The following SERPIND1 variants were observed in gnomAD, a reference collection of about 807,000 sequenced individuals.
SERPIND1 encodes serpin family D member 1, also known as heparin cofactor 2.
SERPIND1 carries 34 observed loss-of-function variants against 35.0 expected under a neutral mutation model. The observed-to-expected ratio is 0.97, with a 90% CI of 0.74 to 1.29. SERPIND1 has a LOEUF of 1.29. Among genes scored for constraint, SERPIND1 ranks in the 50% most tolerant of loss-of-function variants. The pLI, the probability that SERPIND1 is intolerant of heterozygous loss-of-function variation, is 0.00. For synonymous variants in SERPIND1, 236 were observed against 241.1 expected (o/e 0.98, Z 0.19); for missense variants, 633 against 637.7 (o/e 0.99, Z 0.08).
rs1256548311 is a variant in SERPIND1 at position 20,786,092 on chromosome 22, T to C, written c.1252T>C (p.Phe418Leu). The change falls in exon 4 of 5, where the codon TTT becomes CTT. Residue 418 changes from phenylalanine (F) to leucine (L), a missense_variant. Coordinates refer to ENST00000215727, the MANE Select transcript of SERPIND1 (RefSeq NM_000185.4). ...SLKLMGIRML[F>L]DKNGNMAGIS... ...GAAGTTGATGGGGATCAGGATGCTGTTTGACAAAAATGGCAACATGGCAGG... is the reference window on the plus strand; with the variant it reads ...GAAGTTGATGGGGATCAGGATGCTGCTTGACAAAAATGGCAACATGGCAGG... The C allele has an allele frequency of 6.2e-7, 1 of 1,614,080 alleles. No individual in the cohort carries two copies.
intron 2 of SERPIND1, among the ~76,000 whole-genome samples, chr22:20,783,051 T>C (rs1430927914): frequency 6.6e-6 from 1 of 152,188 alleles, no homozygotes; most frequent in African/African-American, 2.4e-5. Flanking sequence ...ACAACTTGCA[T>C]GTTGCTAGGA....
Position 20,787,501 on chromosome 22 carries a change from A to G in SERPIND1, c.*435A>G, listed in dbSNP as rs1193709243. ...TCCTTACCTCTCCCAAGGAGGGTAC[A>G]CAACTAGCACCATTCTTGATGTCCA... On this transcript the variant is annotated 3_prime_UTR_variant, in exon 5 of 5. Transcript: ENST00000215727. 1.5e-5 allele frequency: 4 copies of G among 270,062 alleles called. No homozygotes were observed. The highest frequency in any genetic ancestry group is 2.9e-5 in the Non-Finnish European group (4 of 138,460). The allele number at this position is 270,062 out of a possible 1,614,324, so 16.7% of individuals were successfully genotyped here.
chr22:20,779,459 C>T lies in SERPIND1; in HGVS notation c.147C>T (p.Asn49=). Residue 49 remains asparagine (N), a synonymous_variant, in exon 2 of 5, where the codon AAC becomes AAT. Transcript: ENST00000215727. ...DPQWEQLNNK[N]LSMPLLPADF... Reference sequence around the variant, plus strand: ...AGTGGGAGCAGTTAAATAACAAAAACCTGAGCATGCCTCTTCTCCCTGCCG... The same window carrying T: ...AGTGGGAGCAGTTAAATAACAAAAATCTGAGCATGCCTCTTCTCCCTGCCG... 1 of 1,614,158 alleles carries T rather than the reference C, an allele frequency of 6.2e-7. No homozygotes were observed. The highest frequency in any genetic ancestry group is 8.5e-7 in the Non-Finnish European group (1 of 1,180,004).
At chr22:20,780,775 C>CAAAAAAAAAAA (rs538327544) in intron 2 of SERPIND1, among the ~76,000 whole-genome samples, 19 of 67,686 alleles carry the variant, frequency 2.8e-4, no homozygotes, top group Middle Eastern at 9.6e-3. Flanking sequence ...GACTCCATCT[C>CAAAAAAAAAAA]AAAAAAAAAA....
chr22:20,774,974 A>G (rs970556001), intron 1 of SERPIND1, among the ~76,000 whole-genome samples: 3 of 152,168 alleles, frequency 2.0e-5, no homozygotes, highest in East Asian at 3.8e-4. Context: ...GTTCTACTAC[A>G]CTATTCTTTC....
Position 20,782,059 on chromosome 22 carries a change from A to T in SERPIND1, c.889+1858A>T, listed in dbSNP as rs546017949. Among the ~76,000 whole-genome samples the T allele has an allele frequency of 2.0e-5, 3 of 152,342 alleles. No individual in the cohort carries two copies. In the East Asian group the frequency reaches 5.8e-4, roughly 29 times the overall value. On this transcript the variant is annotated intron_variant, in intron 2 of 4. Transcript: ENST00000215727. ...TGTTAGTGACATTTATTTTACTTCT[A>T]CTAGCAAATAACCTATGTTTAGGAC... is the stretch of plus-strand genomic sequence containing the variant.
intron 3 of SERPIND1, among the ~76,000 whole-genome samples, chr22:20,784,601 G>A (rs1189969569): frequency 6.6e-6 from 1 of 152,090 alleles, no homozygotes; most frequent in African/African-American, 2.4e-5. Flanking sequence ...CAGAATCAGC[G>A]ATGCTGAGCG....
rs1476683742 is a variant in SERPIND1 at position 20,786,918 on chromosome 22, A to T, written c.1352A>T (p.Gln451Leu). 6.2e-7 allele frequency: 1 copy of T among 1,614,064 alleles called. No individual in the cohort carries two copies. The highest frequency in any genetic ancestry group is 8.5e-7 in the Non-Finnish European group (1 of 1,180,030). Residue 451 changes from glutamine (Q) to leucine (L), a missense_variant, in exon 5 of 5, where the codon CAA (glutamine) becomes CTA (leucine). Transcript: ENST00000215727. Reference protein sequence around the residue: ...GTITVNEEGTQATTVTTVGFM... With the variant: ...GTITVNEEGTLATTVTTVGFM... ...ATCACAGTGAACGAGGAAGGCACCC[A>T]AGCCACCACTGTGACCACGGTGGGG...
chr22:20,774,885 C>T (rs1933140924), intron 1 of SERPIND1, among the ~76,000 whole-genome samples: 1 of 151,438 alleles, frequency 6.6e-6, no homozygotes, highest in Non-Finnish European at 1.5e-5. Flanking sequence ...CACGTACGTA[C>T]ACACACACAC....
chr22:20,778,359 C>T (rs565939289), intron 1 of SERPIND1, among the ~76,000 whole-genome samples: 1 of 152,138 alleles, frequency 6.6e-6, no homozygotes, highest in South Asian at 2.1e-4. Flanking sequence ...CAAAAATTAA[C>T]CAGGCGTAGT....
At chr22:20,783,827 C>A in intron 2 of SERPIND1, 145 bp from the exon 3 acceptor site, 4 of 1,073,044 alleles carry the variant, frequency 3.7e-6, no homozygotes, top group Non-Finnish European at 5.6e-6. Flanking sequence ...CTGCCCAAAT[C>A]AGGCCTCAGG....
At chr22:20,781,816 C>A (rs1933822817) in intron 2 of SERPIND1, among the ~76,000 whole-genome samples, 2 of 152,336 alleles carry the variant, frequency 1.3e-5, no homozygotes, top group South Asian at 4.1e-4. Context: ...GCTGGTTTCA[C>A]CACTTCTCGT....
chr22:20,787,041 G>C lies in SERPIND1; in HGVS notation c.1475G>C (p.Arg492Thr). The C allele has an allele frequency of 6.2e-7, 1 of 1,614,096 alleles. No homozygotes were observed. Among genetic ancestry groups the C allele is most frequent in the Non-Finnish European group, 8.5e-7 (1 of 1,179,964 alleles). ...HRTSCLLFMG[R>T]VANPSRS ...ACCAGCTGCCTGCTCTTCATGGGAA[G>C]AGTGGCCAACCCCAGCAGGTCCTAG... Residue 492 changes from arginine to threonine, a missense_variant, in exon 5 of 5, where the codon AGA becomes ACA. Physicochemically the swap from Arg to Thr is moderately conservative, Grantham distance 71 (BLOSUM62 -1). Coordinates refer to ENST00000215727, the MANE Select transcript of SERPIND1 (RefSeq NM_000185.4).
intron 4 of SERPIND1, among the ~76,000 whole-genome samples, chr22:20,786,405 C>T (rs1300935383): frequency 1.3e-5 from 2 of 152,196 alleles, no homozygotes; most frequent in African/African-American, 4.8e-5. Flanking sequence ...CCCGCTGACA[C>T]CAGAGACAGG....
At chr22:20,778,633 T>A (rs749590860) in intron 1 of SERPIND1, among the ~76,000 whole-genome samples, 2 of 152,170 alleles carry the variant, frequency 1.3e-5, no homozygotes, top group Non-Finnish European at 2.9e-5. Context: ...CCCATGGACA[T>A]TTTTCAACAG....
Position 20,780,020 on chromosome 22 carries a change from C to T in SERPIND1, c.708C>T (p.Phe236=), listed in dbSNP as rs1203803426. 1 of 1,614,032 alleles carries T rather than the reference C, an allele frequency of 6.2e-7. No homozygotes were observed. The highest frequency in any genetic ancestry group is 8.5e-7 in the Non-Finnish European group (1 of 1,180,050). The change falls in exon 2 of 5, where the codon TTC becomes TTT. Residue 236 remains phenylalanine, a synonymous_variant. Transcript: ENST00000215727. ...AGCAGTTTCCAATCCTGCTTGACTT[C>T]AAAACTAAAGTAAGAGAGTATTACT... ...IQKQFPILLD[F]KTKVREYYFA...
chr22:20,781,472 A>C (rs1042946004), intron 2 of SERPIND1, among the ~76,000 whole-genome samples: 3 of 151,562 alleles, frequency 2.0e-5, no homozygotes, highest in Non-Finnish European at 2.9e-5. Flanking sequence ...AAGGAAGGAG[A>C]CCCCCCCCAG....
intron 2 of SERPIND1, among the ~76,000 whole-genome samples, chr22:20,781,973 G>A (rs1429242329): frequency 1.3e-5 from 2 of 152,318 alleles, no homozygotes; most frequent in East Asian, 1.9e-4. Flanking sequence ...AGAGCTCAGC[G>A]AATTTGAGGG....
At chr22:20,780,267 T>TGA (rs1252545846) in intron 2 of SERPIND1, 66 bp downstream of exon 2, 19 of 1,606,794 alleles carry the variant, frequency 1.2e-5, no homozygotes, top group Non-Finnish European at 1.6e-5. Context: ...GTGGGTAGAT[T>TGA]GAATGCCAAG....
Sources: gnomAD v4.1 joint callset for allele counts (sites outside exome capture counted in the v4.1 genomes callset) on GRCh38, gnomAD v4.1.1 for gene constraint, MANE v1.5 for transcripts, NCBI Gene and HGNC (gene_info 2026-07-23, HGNC 2026-07-21) for gene names.